The following ROR1 variants were observed in gnomAD, a reference collection of about 807,000 sequenced individuals.
ROR1 encodes the protein ROR family WNT receptor 1.
ROR1 carries 19 observed loss-of-function variants against 78.8 expected under a neutral mutation model. The observed-to-expected ratio is 0.24, with a 90% CI of 0.17 to 0.35. ROR1 has a LOEUF of 0.35. ROR1 is among the 10% of genes least tolerant of loss of function. The pLI is 1.00. For synonymous variants in ROR1, 386 were observed against 433.6 expected (o/e 0.89, Z 1.36); for missense variants, 917 against 1,177.8 (o/e 0.78, Z 3.24).
At chr1:63,804,356 A>G (rs535769581) in intron 1 of ROR1, among the ~76,000 whole-genome samples, 5 of 152,156 alleles carry the variant, frequency 3.3e-5, no homozygotes, top group African/African-American at 2.4e-5. Context: ...TGATTTTTCT[A>G]TTGTATTAGT....
chr1:63,954,180 C>T (rs1645963431), intron 1 of ROR1, among the ~76,000 whole-genome samples: 1 of 152,220 alleles, frequency 6.6e-6, no homozygotes, highest in South Asian at 2.1e-4. Flanking sequence ...TGTCCTTTTG[C>T]TCCACTTTTA....
chr1:64,039,154 T>C (rs1646726052), intron 2 of ROR1, among the ~76,000 whole-genome samples: 1 of 152,190 alleles, frequency 6.6e-6, no homozygotes, highest in South Asian at 2.1e-4. Flanking sequence ...CAGATTCTTT[T>C]AAATTTTGAA....
chr1:64,078,035 T>C (rs535530455), intron 4 of ROR1, among the ~76,000 whole-genome samples: 1 of 152,230 alleles, frequency 6.6e-6, no homozygotes, highest in African/African-American at 2.4e-5. Context: ...TAGAACATAA[T>C]ATCTGGACAC....
chr1:63,816,257 G>T (rs1367570306), intron 1 of ROR1, among the ~76,000 whole-genome samples: 1 of 152,128 alleles, frequency 6.6e-6, no homozygotes, highest in East Asian at 1.9e-4. Context: ...ATATGGTTTG[G>T]CTCTGTGTCC....
Position 64,178,163 on chromosome 1 carries a change from C to T in ROR1, c.2122C>T (p.Arg708Trp), listed in dbSNP as rs746369763. The change falls in exon 9 of 9, where the codon CGG becomes TGG. Residue 708 changes from arginine to tryptophan, a missense_variant. By Grantham distance (101) the Arg-to-Trp change is moderately radical. Transcript: ENST00000371079. This position sits in a 1 kb window ranked among gnomAD's most constrained non-coding sequence, Gnocchi z 4.3. ...NQEVIEMVRK[R>W]QLLPCSEDCP... ...GGAAGTGATTGAGATGGTGAGAAAA[C>T]GGCAGCTCTTACCATGCTCTGAAGA... The T allele has an allele frequency of 1.7e-5, 27 of 1,613,998 alleles. No homozygotes were observed. Among genetic ancestry groups the T allele is most frequent in the Middle Eastern group, 1.6e-4 (1 of 6,084 alleles).
intron 1 of ROR1, among the ~76,000 whole-genome samples, chr1:63,857,133 T>C (rs1645153826): frequency 1.3e-5 from 2 of 151,656 alleles, no homozygotes; most frequent in Non-Finnish European, 1.5e-5. Flanking sequence ...TTTCAAAGTA[T>C]CTGTTGTTGA....
intron 1 of ROR1, among the ~76,000 whole-genome samples, chr1:63,866,808 A>T (rs1266790259): frequency 6.6e-6 from 1 of 152,080 alleles, no homozygotes; most frequent in African/African-American, 2.4e-5. Context: ...TTTGTCATAG[A>T]TTGTTTCCTT....
At chr1:64,142,735 G>A (rs1649360331) in intron 7 of ROR1, 85 bp downstream of exon 7, 1 of 1,558,132 alleles carries the variant, frequency 6.4e-7, no homozygotes, top group Non-Finnish European at 8.7e-7. Context: ...AATCCTATAA[G>A]GGGGGCAAAG....
At chr1:64,095,389 A>C (rs1647272450) in intron 4 of ROR1, among the ~76,000 whole-genome samples, 1 of 152,232 alleles carries the variant, frequency 6.6e-6, no homozygotes, top group Non-Finnish European at 1.5e-5. Flanking sequence ...TAATTATGGT[A>C]CTATGTATTC....
At chr1:64,059,024 TTC>T (rs1646896175) in intron 4 of ROR1, among the ~76,000 whole-genome samples, 1 of 152,168 alleles carries the variant, frequency 6.6e-6, no homozygotes, top group Admixed American at 6.5e-5. Flanking sequence ...TATTTAAATT[TTC>T]TGTTTCTTCT....
chr1:63,966,785 C>T lies in ROR1; in HGVS notation c.92-42520C>T, dbSNP rs918392830. Reference sequence around the variant, plus strand: ...CTTTCCTTTCAACTGAGGGAACTGGCATTGCATATGGTGAGGCTCATCTTC... The same window carrying T: ...CTTTCCTTTCAACTGAGGGAACTGGTATTGCATATGGTGAGGCTCATCTTC... On this transcript the variant is annotated intron_variant, in intron 1 of 8. Coordinates refer to ENST00000371079, the MANE Select transcript of ROR1 (RefSeq NM_005012.4). 1.4e-4 allele frequency among the ~76,000 whole-genome samples: 22 copies of T among 152,172 alleles called. 1 individual carries two copies. The highest frequency in any genetic ancestry group is 1.4e-3 in the Admixed American group (22 of 15,284).
At chr1:64,159,222 T>C (rs746094381) in intron 8 of ROR1, 30 bp downstream of exon 8, 43 of 1,523,040 alleles carry the variant, frequency 2.8e-5, no homozygotes, top group Non-Finnish European at 3.6e-5. Flanking sequence ...GCTACATTTG[T>C]TCCGTGGGCT....
intron 1 of ROR1, among the ~76,000 whole-genome samples, chr1:63,815,773 A>G (rs1170751099): frequency 6.6e-6 from 1 of 151,996 alleles, no homozygotes; most frequent in African/African-American, 2.4e-5. Flanking sequence ...AGGGGTGAGT[A>G]TGGAATCATG....
At chr1:64,120,951 T>C (rs1648508379) in intron 4 of ROR1, among the ~76,000 whole-genome samples, 1 of 151,800 alleles carries the variant, frequency 6.6e-6, no homozygotes, top group Non-Finnish European at 1.5e-5. Context: ...ACATCCAGCC[T>C]CAGTCTATCT....
intron 6 of ROR1, 126 bp from the exon 7 acceptor site, chr1:64,142,279 C>G: frequency 6.9e-7 from 1 of 1,449,972 alleles, no homozygotes; most frequent in Non-Finnish European, 9.2e-7. Flanking sequence ...TGGCCCCTGA[C>G]CAGCAGGGAA....
At chr1:64,168,276 G>T (rs113824983) in intron 8 of ROR1, among the ~76,000 whole-genome samples, 1 of 152,214 alleles carries the variant, frequency 6.6e-6, no homozygotes, top group Non-Finnish European at 1.5e-5. Context: ...TAAAATAGGT[G>T]TGAGTCATAG....
chr1:64,164,236 T>C (rs374598576), intron 8 of ROR1, among the ~76,000 whole-genome samples: 22 of 152,314 alleles, frequency 1.4e-4, no homozygotes, highest in African/African-American at 4.3e-4. Context: ...TTTCAAGTTA[T>C]AAAATTCTTG....
At chr1:63,936,014 A>G (rs1225044044) in intron 1 of ROR1, among the ~76,000 whole-genome samples, 4 of 152,216 alleles carry the variant, frequency 2.6e-5, no homozygotes, top group African/African-American at 9.6e-5. Flanking sequence ...GAGAGGGTGA[A>G]AGGGAGATTA....
At chr1:64,145,998 TGATGTAC>T (rs1445945949) in intron 7 of ROR1, among the ~76,000 whole-genome samples, 1 of 152,228 alleles carries the variant, frequency 6.6e-6, no homozygotes, top group Non-Finnish European at 1.5e-5. Context: ...GGTTATTGGT[TGATGTAC>T]AGAGGAAACC....
Sources: allele counts gnomAD v4.1 joint callset (sites outside exome capture counted in the v4.1 genomes callset), GRCh38; gene constraint gnomAD v4.1.1; non-coding constraint Gnocchi (gnomAD v3.1); transcripts MANE v1.5; gene names NCBI Gene and HGNC (gene_info 2026-07-23, HGNC 2026-07-21).